Variants in TBCEL observed in about 807,000 individuals in gnomAD.
TBCEL encodes tubulin folding cofactor E like.
Under a neutral mutation model 44.2 loss-of-function variants are expected in TBCEL, and 15 were observed. That is an observed-to-expected ratio of 0.34 (90% CI 0.23 to 0.52). TBCEL has a LOEUF of 0.52. Ranked by LOEUF, TBCEL falls within the 20% of genes least tolerant of loss-of-function variation. The probability of loss-of-function intolerance (pLI) is 0.95; values close to 1 mark genes in which losing one functional copy is unlikely to be tolerated. For synonymous variants in TBCEL, 171 were observed against 185.4 expected (o/e 0.92, Z 0.63); for missense variants, 319 against 506.3 (o/e 0.63, Z 3.55).
intron 8 of TBCEL, among the ~76,000 whole-genome samples, chr11:121,084,191 G>T (rs2135022601): frequency 6.6e-6 from 1 of 152,270 alleles, no homozygotes; most frequent in South Asian, 2.1e-4. Context: ...GCTTGGTGAG[G>T]GGGAGCACAT....
chr11:121,083,108 C>T (rs1946155826), intron 8 of TBCEL, among the ~76,000 whole-genome samples: 1 of 152,162 alleles, frequency 6.6e-6, no homozygotes, highest in African/African-American at 2.4e-5. Flanking sequence ...CTTGGTAGTA[C>T]AGGAAGGCCT....
At chr11:121,068,007 A>C (rs150687371) in intron 8 of TBCEL, among the ~76,000 whole-genome samples, 18 of 152,324 alleles carry the variant, frequency 1.2e-4, no homozygotes, top group African/African-American at 4.1e-4. Flanking sequence ...GAGTTACCCC[A>C]GGACTTAGTC....
chr11:121,043,611 A>G (rs575849852), intron 2 of TBCEL, among the ~76,000 whole-genome samples: 37 of 152,152 alleles, frequency 2.4e-4, no homozygotes, highest in African/African-American at 8.7e-4. Context: ...GTAATCTATA[A>G]CCATGTTTGG....
intron 8 of TBCEL, among the ~76,000 whole-genome samples, chr11:121,060,770 A>G (rs1591402183): frequency 6.6e-6 from 1 of 151,994 alleles, no homozygotes; most frequent in East Asian, 1.9e-4. Flanking sequence ...AGAATCGGTT[A>G]TTGGAAAAGT....
At chr11:121,068,886 C>CAA (rs575081373) in intron 8 of TBCEL, among the ~76,000 whole-genome samples, 8 of 87,972 alleles carry the variant, frequency 9.1e-5, no homozygotes, top group Admixed American at 2.5e-4. Flanking sequence ...GGCTCCGTCT[C>CAA]AAAAAAAAAA....
chr11:121,055,431 C>T, intron 6 of TBCEL, 123 bp downstream of exon 6: 1 of 989,816 alleles, frequency 1.0e-6, no homozygotes, highest in Non-Finnish European at 1.4e-6. Flanking sequence ...TTCTATATGA[C>T]ATGCAGATGC....
chr11:121,045,974 C>A, intron 3 of TBCEL, 151 bp downstream of exon 3: 1 of 911,774 alleles, frequency 1.1e-6, no homozygotes, highest in South Asian at 2.5e-5. Context: ...TTCTAAAGAA[C>A]GTAACAGGAC....
intron 2 of TBCEL, among the ~76,000 whole-genome samples, chr11:121,040,621 C>T (rs527467373): frequency 1.3e-5 from 2 of 152,014 alleles, no homozygotes; most frequent in South Asian, 4.2e-4. Flanking sequence ...CTCTTTTCTT[C>T]CTCACTCCCC....
At chr11:121,077,579 G>A (rs983911039) in intron 8 of TBCEL, among the ~76,000 whole-genome samples, 18 of 151,954 alleles carry the variant, frequency 1.2e-4, no homozygotes, top group Admixed American at 6.6e-5. Context: ...AGCTTCGGGT[G>A]TTATGAGTTT....
intron 1 of TBCEL, among the ~76,000 whole-genome samples, chr11:121,028,317 C>A (rs563851218): frequency 6.6e-6 from 1 of 152,332 alleles, no homozygotes; most frequent in East Asian, 1.9e-4. Context: ...TTTTATCAAG[C>A]TGTCTGGATG....
Position 121,087,388 on chromosome 11 carries a change from A to G in TBCEL, c.*292A>G, listed in dbSNP as rs1056767239. ...CCGACTTCTTACTGTGTTCACTGGGATTTGCCTGCCACTTGGTTATCATTA... is the reference window on the plus strand; with the variant it reads ...CCGACTTCTTACTGTGTTCACTGGGGTTTGCCTGCCACTTGGTTATCATTA... On this transcript the variant is annotated 3_prime_UTR_variant, in exon 9 of 9. Coordinates refer to ENST00000683345, the MANE Select transcript of TBCEL (RefSeq NM_001363644.2). The G allele has an allele frequency of 2.7e-6, 1 of 363,972 alleles. No individual in the cohort carries two copies. The highest frequency in any genetic ancestry group is 2.1e-5 in the African/African-American group (1 of 48,010). 22.5% of individuals were successfully genotyped at this position (363,972 alleles called of 1,614,324 possible).
intron 8 of TBCEL, among the ~76,000 whole-genome samples, chr11:121,061,914 GTTTAACTTT>G (rs1336013011): frequency 6.6e-6 from 1 of 151,940 alleles, no homozygotes; most frequent in Non-Finnish European, 1.5e-5. Context: ...CCTTAGCTTA[GTTTAACTTT>G]TTTACTTTAT....
chr11:121,089,437 GT>G lies in TBCEL; in HGVS notation c.*2345del, dbSNP rs1946261428. Reference sequence around the variant, plus strand: ...TATTTTTAGGGCATTGTAATTGATGGTTTTAATAATTGCTGAATAATTTTTG... The same window carrying G: ...TATTTTTAGGGCATTGTAATTGATGGTTTAATAATTGCTGAATAATTTTTG... On this transcript the variant is annotated 3_prime_UTR_variant, in exon 9 of 9. Coordinates refer to ENST00000683345, the MANE Select transcript of TBCEL (RefSeq NM_001363644.2). 6.6e-6 allele frequency: 1 copy of G among 152,070 alleles called. No individual in the cohort carries two copies. Among genetic ancestry groups the G allele is most frequent in the Non-Finnish European group, 1.5e-5 (1 of 68,004 alleles). The allele number at this position is 152,070 out of a possible 1,614,324, so 9.4% of individuals were successfully genotyped here.
In TBCEL at chr11:121,038,521, G is replaced by A. The variant is rs574658226; in HGVS notation, c.-18+1909G>A. 1.8e-3 allele frequency among the ~76,000 whole-genome samples: 276 copies of A among 152,018 alleles called. 1 individual carries two copies. Among genetic ancestry groups the A allele is most frequent in the African/African-American group, 6.3e-3 (261 of 41,456 alleles). On this transcript the variant is annotated intron_variant, in intron 2 of 8. Coordinates refer to ENST00000683345, the MANE Select transcript of TBCEL (RefSeq NM_001363644.2). ...GGATACAGTGGATAGTTGTTCAAAA[G>A]AAGAAAGCTTTTTGGAGATGAGGTT...
chr11:121,071,952 G>C (rs1370895891), intron 8 of TBCEL, among the ~76,000 whole-genome samples: 2 of 152,118 alleles, frequency 1.3e-5, no homozygotes, highest in African/African-American at 4.8e-5. Context: ...ATATTGCCAT[G>C]CTCCATCATC....
chr11:121,056,076 A>G (rs1465006696), intron 6 of TBCEL, among the ~76,000 whole-genome samples: 1 of 151,844 alleles, frequency 6.6e-6, no homozygotes, highest in Non-Finnish European at 1.5e-5. Flanking sequence ...AGTGACATGT[A>G]TCCACCATTG....
intron 6 of TBCEL, 30 bp downstream of exon 6, chr11:121,055,338 T>C: frequency 6.4e-7 from 1 of 1,551,740 alleles, no homozygotes; most frequent in Middle Eastern, 1.8e-4. Flanking sequence ...TTATTCTACA[T>C]GCAAATTAAC....
chr11:121,048,901 C>T (rs562117802), intron 4 of TBCEL, among the ~76,000 whole-genome samples: 1 of 151,838 alleles, frequency 6.6e-6, no homozygotes, highest in Non-Finnish European at 1.5e-5. Flanking sequence ...CCTATTTATC[C>T]TTCAAGACTT....
chr11:121,061,407 G>A (rs770638533), intron 8 of TBCEL, among the ~76,000 whole-genome samples: 88 of 151,576 alleles, frequency 5.8e-4, no homozygotes, highest in Admixed American at 1.2e-3. Flanking sequence ...ATATATACAT[G>A]TACATACATA....
Sources: gnomAD v4.1 joint callset for allele counts (sites outside exome capture counted in the v4.1 genomes callset) on GRCh38, gnomAD v4.1.1 for gene constraint, MANE v1.5 for transcripts, NCBI Gene and HGNC (gene_info 2026-07-23, HGNC 2026-07-21) for gene names.